The following SND1 variants were observed in gnomAD, a reference collection of about 807,000 sequenced individuals.
SND1 encodes staphylococcal nuclease domain-containing protein 1.
A neutral mutation model predicts 121.7 loss-of-function variants in SND1; 38 were observed. The observed-to-expected ratio is 0.31, with a 90% CI of 0.24 to 0.41. The LOEUF (loss-of-function observed/expected upper bound fraction) is 0.41. Among genes scored for constraint, SND1 ranks in the 10% least tolerant of loss-of-function variants. The pLI is 1.00. For missense variants in SND1, 868 were observed against 1,184.6 expected, an observed-to-expected ratio of 0.73 and a Z score of 3.92; for synonymous variants, 401 against 447.4, an observed-to-expected ratio of 0.90 and a Z score of 1.31.
At chr7:127,717,423 C>T (rs1054206196) in intron 9 of SND1, among the ~76,000 whole-genome samples, 1 of 152,026 alleles carries the variant, frequency 6.6e-6, no homozygotes, top group Non-Finnish European at 1.5e-5. Flanking sequence ...TAGGACGTCC[C>T]TCTGTTGAAA....
At chr7:127,741,414 T>A (rs947011468) in intron 10 of SND1, among the ~76,000 whole-genome samples, 1 of 152,012 alleles carries the variant, frequency 6.6e-6, no homozygotes, top group African/African-American at 2.4e-5. Flanking sequence ...GTACTTGTTC[T>A]TTTACCTTAA....
At chr7:127,829,015 A>G (rs1798693019) in intron 11 of SND1, among the ~76,000 whole-genome samples, 2 of 152,224 alleles carry the variant, frequency 1.3e-5, no homozygotes, top group South Asian at 4.1e-4. Context: ...CACACAGGAA[A>G]GACCACAGGT....
chr7:127,720,607 C>A (rs915904958), intron 9 of SND1, among the ~76,000 whole-genome samples: 4 of 152,162 alleles, frequency 2.6e-5, no homozygotes, highest in Admixed American at 6.5e-5. Context: ...TTATCCCAGA[C>A]TAGTTCTTTT....
chr7:127,912,334 T>C (rs1305853514), intron 14 of SND1, among the ~76,000 whole-genome samples: 1 of 152,122 alleles, frequency 6.6e-6, no homozygotes, highest in Non-Finnish European at 1.5e-5. Context: ...TTGTAGATCT[T>C]AGTCCACTTT....
At chr7:127,823,368 G>A (rs536022163) in intron 11 of SND1, among the ~76,000 whole-genome samples, 1 of 152,272 alleles carries the variant, frequency 6.6e-6, no homozygotes, top group East Asian at 1.9e-4. Flanking sequence ...GCCTTGGGAA[G>A]GGGGAGCTGG....
intron 15 of SND1, among the ~76,000 whole-genome samples, chr7:127,985,134 TC>T (rs1802355467): frequency 6.6e-6 from 1 of 152,194 alleles, no homozygotes; most frequent in Non-Finnish European, 1.5e-5. Flanking sequence ...TGCACTGACT[TC>T]CCATTCCCAG....
In SND1 at chr7:128,071,826, C is replaced by T. The variant is rs142487526; in HGVS notation, c.1780-2676C>T. Among the ~76,000 whole-genome samples the T allele has an allele frequency of 9.1e-4, 139 of 152,326 alleles. 1 individual carries two copies. Among genetic ancestry groups the T allele is most frequent in the Middle Eastern group, 3.4e-3 (1 of 294 alleles). ...ATAAAAGGGAACAGAGCCCCATGGG[C>T]GACAGCTTTATCGCCATCTACAACC... On this transcript the variant is annotated intron_variant, in intron 16 of 23. Transcript: ENST00000354725.
At position 127,881,343 on chromosome 7, in the gene SND1, C is replaced by T. The variant is rs1250391738; in HGVS notation, c.1344-6559C>T. Among the ~76,000 whole-genome samples the T allele has an allele frequency of 3.3e-5, 5 of 152,070 alleles. No homozygotes were observed. In the East Asian group the frequency reaches 9.7e-4, roughly 29 times the overall value. On this transcript the variant is annotated intron_variant, in intron 12 of 23. Coordinates refer to ENST00000354725, the MANE Select transcript of SND1 (RefSeq NM_014390.4). ...ACATTAAAATTAAATTTTTTATGCT[C>T]TTTCTTTTGTTAATCTGCCTTTTGT...
chr7:127,890,905 A>G (rs1446776006), intron 13 of SND1, among the ~76,000 whole-genome samples: 1 of 152,188 alleles, frequency 6.6e-6, no homozygotes. Flanking sequence ...AATTGGCTTC[A>G]GGGTCATTGC....
chr7:128,074,870 G>A (rs946314051), intron 17 of SND1, among the ~76,000 whole-genome samples, 180 bp downstream of exon 17: 10 of 152,216 alleles, frequency 6.6e-5, no homozygotes, highest in Non-Finnish European at 1.2e-4. Flanking sequence ...CAGCTGAGGT[G>A]TCCTCGGCCA....
intron 16 of SND1, chr7:128,042,411 T>G (rs1792871747): frequency 6.6e-6 from 1 of 152,258 alleles, no homozygotes; most frequent in Non-Finnish European, 1.5e-5. Flanking sequence ...TCAGCCTCCA[T>G]GAGCCAGTCA....
chr7:127,807,444 T>G, intron 10 of SND1, 40 bp from the exon 11 acceptor site: 1 of 1,495,848 alleles, frequency 6.7e-7, no homozygotes, highest in Non-Finnish European at 9.3e-7. Flanking sequence ...GTTCATTTGA[T>G]ATTGTTCATT....
chr7:127,859,533 T>C (rs1184612771), intron 12 of SND1, among the ~76,000 whole-genome samples: 1 of 152,216 alleles, frequency 6.6e-6, no homozygotes, highest in Non-Finnish European at 1.5e-5. Context: ...CCAGGTGATA[T>C]GACACATTTA....
intron 10 of SND1, among the ~76,000 whole-genome samples, chr7:127,788,660 C>G (rs752988534): frequency 1.3e-5 from 2 of 152,184 alleles, no homozygotes; most frequent in South Asian, 4.1e-4. Context: ...ATGTTTTGGT[C>G]TTCAGAAATC....
At chr7:127,930,310 G>A (rs746241797) in intron 15 of SND1, among the ~76,000 whole-genome samples, 3 of 152,120 alleles carry the variant, frequency 2.0e-5, no homozygotes, top group Admixed American at 6.6e-5. Flanking sequence ...AAAGAGAAAC[G>A]GGAGTCATGC....
chr7:127,828,055 G>T (rs766074414), intron 11 of SND1, among the ~76,000 whole-genome samples: 1 of 152,002 alleles, frequency 6.6e-6, no homozygotes. Flanking sequence ...GGAGTGCAAC[G>T]GCATGTTCTC....
At chr7:127,675,955 C>T (rs1795608319) in intron 1 of SND1, among the ~76,000 whole-genome samples, 1 of 152,166 alleles carries the variant, frequency 6.6e-6, no homozygotes, top group African/African-American at 2.4e-5. Context: ...TGCAGAGGAC[C>T]ATTGTCCTGG....
At chr7:127,977,682 A>G (rs1802154333) in intron 15 of SND1, among the ~76,000 whole-genome samples, 1 of 152,218 alleles carries the variant, frequency 6.6e-6, no homozygotes, top group Non-Finnish European at 1.5e-5. Context: ...AAGAATAAGT[A>G]TAGGGAAAAA....
chr7:127,701,572 T>A (rs1796104036), intron 5 of SND1, among the ~76,000 whole-genome samples: 1 of 143,404 alleles, frequency 7.0e-6, no homozygotes, highest in South Asian at 2.3e-4. Flanking sequence ...ATTGCTGGTA[T>A]TTTGCACATT....
Sources: gnomAD v4.1 joint callset for allele counts (sites outside exome capture counted in the v4.1 genomes callset) on GRCh38, gnomAD v4.1.1 for gene constraint, MANE v1.5 for transcripts, NCBI Gene and HGNC (gene_info 2026-07-23, HGNC 2026-07-21) for gene names.